Variants in POLK observed in about 807,000 individuals in gnomAD.
POLK encodes DNA polymerase kappa.
POLK carries 76 observed loss-of-function variants against 94.0 expected under a neutral mutation model. The ratio of observed to expected loss-of-function variants is 0.81; its 90% CI spans 0.67 to 0.98. The LOEUF is 0.98. Ranked by LOEUF, POLK falls within the 50% of genes least tolerant of loss-of-function variation. The pLI is 0.00. For synonymous variants in POLK, 349 were observed against 325.4 expected (o/e 1.07, Z -0.78); for missense variants, 954 against 1,010.1 (o/e 0.94, Z 0.75).
At chr5:75,530,010 T>G (rs1769074774) in intron 1 of POLK, among the ~76,000 whole-genome samples, 4 of 152,170 alleles carry the variant, frequency 2.6e-5, no homozygotes, top group Admixed American at 2.6e-4. Flanking sequence ...TGAATAATGC[T>G]TTCCCTTTAC....
intron 1 of POLK, among the ~76,000 whole-genome samples, chr5:75,514,471 A>C (rs967613383): frequency 1.3e-5 from 2 of 152,232 alleles, no homozygotes; most frequent in Non-Finnish European, 2.9e-5. Flanking sequence ...GTAAGTAGCA[A>C]TTATCATTTG....
At chr5:75,548,792 A>G (rs766646588) in intron 2 of POLK, among the ~76,000 whole-genome samples, 92 of 152,144 alleles carry the variant, frequency 6.0e-4, no homozygotes, top group Non-Finnish European at 6.5e-4. Flanking sequence ...TTGGGGAAGA[A>G]ATCAAATGTA....
At position 75,571,252 on chromosome 5, in the gene POLK, G is replaced by A. The variant is rs142300134; in HGVS notation, c.408+1760G>A. Among the ~76,000 whole-genome samples, 317 of 152,206 alleles carry A rather than the reference G, an allele frequency of 2.1e-3. 1 individual carries two copies. In the East Asian group the frequency reaches 0.027, roughly 13 times the overall value. On this transcript the variant is annotated intron_variant, in intron 4 of 14. Transcript: ENST00000241436. ...TAACTTTTTGTCCTATTAAACATAT[G>A]AAAGTATATCTACAAATTAATGGGA...
intron 3 of POLK, among the ~76,000 whole-genome samples, chr5:75,559,693 C>G (rs571805277): frequency 2.0e-5 from 3 of 151,532 alleles, no homozygotes; most frequent in African/African-American, 4.8e-5. Flanking sequence ...TGTACACTTT[C>G]ACACTCAGTT....
intron 6 of POLK, among the ~76,000 whole-genome samples, chr5:75,578,408 C>T (rs1772020375): frequency 6.6e-6 from 1 of 152,190 alleles, no homozygotes; most frequent in African/African-American, 2.4e-5. Flanking sequence ...CTGCCCGCCT[C>T]GGCCTTCCAA....
intron 1 of POLK, among the ~76,000 whole-genome samples, chr5:75,540,218 T>C (rs1404294047): frequency 1.3e-5 from 2 of 152,112 alleles, no homozygotes; most frequent in African/African-American, 4.8e-5. Flanking sequence ...TGAAGATAAA[T>C]AGCACAGTAT....
chr5:75,562,460 G>T (rs1345731607), intron 3 of POLK, among the ~76,000 whole-genome samples: 1 of 152,156 alleles, frequency 6.6e-6, no homozygotes, highest in Non-Finnish European at 1.5e-5. Flanking sequence ...TGCAAACAGA[G>T]GTAATTTGAC....
chr5:75,520,996 G>T (rs1768551400), intron 1 of POLK, among the ~76,000 whole-genome samples: 1 of 149,064 alleles, frequency 6.7e-6, no homozygotes, highest in African/African-American at 2.5e-5. Context: ...ACAAATTGAA[G>T]CTCCTTTATA....
At chr5:75,590,744 G>T (rs1314551183) in intron 11 of POLK, among the ~76,000 whole-genome samples, 1 of 152,260 alleles carries the variant, frequency 6.6e-6, no homozygotes, top group Non-Finnish European at 1.5e-5. Context: ...AGTTACACTG[G>T]CATTAGAGAA....
intron 7 of POLK, chr5:75,582,980 A>G (rs1772279159): frequency 5.6e-6 from 1 of 179,588 alleles, no homozygotes; most frequent in South Asian, 1.5e-4. Context: ...TATTCCTACT[A>G]AAGGTAGTAA....
At chr5:75,589,380 T>TACACACACACACACACAC (rs1156672391) in intron 10 of POLK, among the ~76,000 whole-genome samples, 1 of 67,748 alleles carries the variant, frequency 1.5e-5, no homozygotes, top group African/African-American at 5.3e-5. Flanking sequence ...TTTATATATA[T>TACACACACACACACACAC]ACACACATAC....
intron 1 of POLK, among the ~76,000 whole-genome samples, chr5:75,542,267 C>G (rs898622293): frequency 4.6e-5 from 7 of 152,076 alleles, no homozygotes; most frequent in African/African-American, 1.7e-4. Flanking sequence ...TAGGAACTTA[C>G]TGTAGTTTAG....
chr5:75,581,678 CT>C (rs1158442197), intron 7 of POLK: 37,719 of 301,462 alleles, frequency 0.13, no homozygotes, highest in South Asian at 0.22. Context: ...ACGTTTCTTT[CT>C]TTTTTTTTTT....
the POLK span, among the ~76,000 whole-genome samples, chr5:75,607,712 C>T: frequency 1.3e-5 from 2 of 152,176 alleles, no homozygotes; most frequent in East Asian, 3.9e-4. Flanking sequence ...GGCCTGCACA[C>T]TTTGAGACTT....
intron 1 of POLK, among the ~76,000 whole-genome samples, chr5:75,526,353 G>A (rs1021588385): frequency 6.6e-6 from 1 of 152,052 alleles, no homozygotes; most frequent in Non-Finnish European, 1.5e-5. Context: ...AAAAGGAAAT[G>A]AGAGGGGAAA....
chr5:75,581,921 C>T (rs756609936), intron 7 of POLK: 18 of 318,764 alleles, frequency 5.6e-5, no homozygotes, highest in African/African-American at 2.1e-4. Context: ...CCTCATGATC[C>T]GCCCACCTTG....
At chr5:75,511,822 G>C (rs1768028178) in exon 1 of POLK, 1 of 1,551,362 alleles carries the variant, frequency 6.4e-7, no homozygotes. Context: ...AGAGGGCGGG[G>C]TAGGGATGCA....
chr5:75,522,483 T>G (rs1768634278), intron 1 of POLK, among the ~76,000 whole-genome samples: 1 of 152,184 alleles, frequency 6.6e-6, no homozygotes, highest in South Asian at 2.1e-4. Flanking sequence ...AAAACCGGTT[T>G]CAGAACTCTT....
At chr5:75,554,552 A>G (rs1331252631) in intron 3 of POLK, among the ~76,000 whole-genome samples, 2 of 152,004 alleles carry the variant, frequency 1.3e-5, no homozygotes, top group Admixed American at 6.6e-5. Context: ...TTTGTTATAT[A>G]AATAAACTGG....
Sources: allele counts gnomAD v4.1 joint callset (sites outside exome capture counted in the v4.1 genomes callset), GRCh38; gene constraint gnomAD v4.1.1; transcripts MANE v1.5; gene names NCBI Gene and HGNC (gene_info 2026-07-23, HGNC 2026-07-21).